The following FAM120A variants were observed in gnomAD, a reference collection of about 807,000 sequenced individuals.
FAM120A encodes the protein family with sequence similarity 120 member A.
In FAM120A, 15 loss-of-function variants were observed where a neutral mutation model predicts 109.7. That is an observed-to-expected ratio of 0.14 (90% confidence interval 0.09 to 0.21). FAM120A has a LOEUF of 0.21. Among genes scored for constraint, FAM120A ranks in the 10% least tolerant of loss-of-function variants. The pLI is 1.00. For missense variants in FAM120A, 899 were observed against 1,439.3 expected, an observed-to-expected ratio of 0.62 and a Z score of 6.07; for synonymous variants, 493 against 572.8, an observed-to-expected ratio of 0.86 and a Z score of 1.99.
At chr9:93,469,592 G>C (rs1358120923) in intron 1 of FAM120A, among the ~76,000 whole-genome samples, 1 of 152,206 alleles carries the variant, frequency 6.6e-6, no homozygotes, top group South Asian at 2.1e-4. Context: ...TTCTAGAAGT[G>C]AGAGGATGAA....
intron 2 of FAM120A, among the ~76,000 whole-genome samples, chr9:93,474,288 A>G (rs548969135): frequency 6.6e-6 from 1 of 150,940 alleles, no homozygotes; most frequent in South Asian, 2.1e-4. Context: ...CCCAGGTTCA[A>G]GCGATTCTCA....
At chr9:93,499,189 T>A (rs1203179020) in intron 5 of FAM120A, among the ~76,000 whole-genome samples, 3 of 152,028 alleles carry the variant, frequency 2.0e-5, no homozygotes, top group Admixed American at 6.6e-5. Flanking sequence ...AAATACAGAA[T>A]TGCCTGAGGA....
chr9:93,489,564 C>T (rs957925772), intron 3 of FAM120A, among the ~76,000 whole-genome samples: 2 of 152,180 alleles, frequency 1.3e-5, no homozygotes, highest in African/African-American at 4.8e-5. Context: ...AAGAACTTTT[C>T]TTTGTTCAGT....
intron 7 of FAM120A, 125 bp from the exon 8 acceptor site, chr9:93,527,030 C>T (rs1168088819): frequency 2.3e-5 from 16 of 699,334 alleles, no homozygotes; most frequent in Admixed American, 5.3e-5. Flanking sequence ...AGTTATTTCT[C>T]GATGTTGTGT....
At chr9:93,482,249 G>A (rs1858848640) in intron 3 of FAM120A, among the ~76,000 whole-genome samples, 1 of 148,286 alleles carries the variant, frequency 6.7e-6, no homozygotes, top group Admixed American at 6.8e-5. Context: ...GTGCAGTGGT[G>A]CGATCTCAGC....
rs1389712245 is a variant in FAM120A at position 93,500,143 on chromosome 9, T to C, written c.1030+1257T>C. Among the ~76,000 whole-genome samples the C allele has an allele frequency of 6.6e-6, 1 of 152,220 alleles. No homozygotes were observed. Among genetic ancestry groups the C allele is most frequent in the Non-Finnish European group, 1.5e-5 (1 of 68,038 alleles). ...TGCTCTCTTGCTCCCCTGCAATCCA[T>C]TTTCTTCCCAGCAGCCAAAGTAATG... On this transcript the variant is annotated intron_variant, in intron 5 of 17. Coordinates refer to ENST00000277165, the MANE Select transcript of FAM120A (RefSeq NM_014612.5). This position sits in a 1 kb window ranked among gnomAD's most constrained non-coding sequence, Gnocchi z 4.6.
chr9:93,455,038 T>A (rs1857490264), intron 1 of FAM120A, among the ~76,000 whole-genome samples: 1 of 152,212 alleles, frequency 6.6e-6, no homozygotes, highest in African/African-American at 2.4e-5. Context: ...ATTCCACTCC[T>A]GGGTATTTTC....
At position 93,452,299 on chromosome 9, in the gene FAM120A, C is replaced by T. The variant is rs1006859012; in HGVS notation, c.384C>T (p.Asn128=). The T allele has an allele frequency of 2.3e-5, 37 of 1,612,812 alleles. No homozygotes were observed. The highest frequency in any genetic ancestry group is 3.0e-5 in the Non-Finnish European group (35 of 1,179,902). Residue 128 remains asparagine (N), a synonymous_variant, in exon 1 of 18, where the codon AAC becomes AAT. Coordinates refer to ENST00000277165, the MANE Select transcript of FAM120A (RefSeq NM_014612.5). The surrounding 1 kb of genome is among the most constrained non-coding windows in gnomAD (Gnocchi z 7.0). ...TAQQIVSHVQ[N]KGTPPPKVWF... ...AGCAGATCGTCAGCCATGTCCAGAA[C>T]AAGGGCACCCCGCCGCCAAAGGTCT... is the stretch of plus-strand genomic sequence containing the variant.
rs564246102 is a variant in FAM120A at position 93,498,160 on chromosome 9, C to T, written c.933+561C>T. On this transcript the variant is annotated intron_variant, in intron 4 of 17. Transcript: ENST00000277165. This position sits in a 1 kb window ranked among gnomAD's most constrained non-coding sequence, Gnocchi z 4.4. ...CTGTAATCCCAGTACTCTGGGAGGCCGAGGCGGGCGGATCACGAGGTCAGG... is the reference window on the plus strand; with the variant it reads ...CTGTAATCCCAGTACTCTGGGAGGCTGAGGCGGGCGGATCACGAGGTCAGG... 9.2e-5 allele frequency among the ~76,000 whole-genome samples: 14 copies of T among 152,214 alleles called. No homozygotes were observed. Among genetic ancestry groups the T allele is most frequent in the Admixed American group, 6.5e-4 (10 of 15,298 alleles).
intron 14 of FAM120A, 136 bp downstream of exon 14, chr9:93,558,146 T>C: frequency 1.1e-6 from 1 of 936,888 alleles, no homozygotes; most frequent in Non-Finnish European, 1.5e-6. Flanking sequence ...GCAGCAGTTC[T>C]TCAAGTCCGT....
chr9:93,462,407 A>G (rs1262179938), intron 1 of FAM120A, among the ~76,000 whole-genome samples: 2 of 152,134 alleles, frequency 1.3e-5, no homozygotes, highest in Non-Finnish European at 2.9e-5. Flanking sequence ...CCTCCTGAGT[A>G]GCTGGGATTA....
chr9:93,565,320 T>C lies in FAM120A; in HGVS notation c.*780T>C, dbSNP rs1862598173. ...TTTTGAATCGGATGTAGACCATTAG[T>C]ACTACTACTTGAGCTAAACTTCTGC... On this transcript the variant is annotated 3_prime_UTR_variant, in exon 18 of 18. Transcript: ENST00000277165. 6.5e-6 allele frequency: 1 copy of C among 152,686 alleles called. No individual in the cohort carries two copies. 9.5% of individuals were successfully genotyped at this position (152,686 alleles called of 1,614,324 possible). A position where few individuals can be genotyped will look rare whatever the true frequency, so the allele number is the denominator to read the frequency against.
intron 10 of FAM120A, among the ~76,000 whole-genome samples, chr9:93,537,195 A>G (rs1053565763): frequency 3.3e-5 from 5 of 152,228 alleles, no homozygotes; most frequent in Admixed American, 2.0e-4. Context: ...GGAGGTGGTT[A>G]CATGCCTCAA....
chr9:93,563,942 A>G (rs936498558), intron 17 of FAM120A, among the ~76,000 whole-genome samples: 1 of 152,222 alleles, frequency 6.6e-6, no homozygotes, highest in Non-Finnish European at 1.5e-5. Context: ...ACTTTAAACA[A>G]TTTAGTGCCA....
chr9:93,550,569 C>T lies in FAM120A; in HGVS notation c.2160-8C>T. The T allele has an allele frequency of 6.2e-7, 1 of 1,611,140 alleles. No individual in the cohort carries two copies. The highest frequency in any genetic ancestry group is 8.5e-7 in the Non-Finnish European group (1 of 1,177,932). ...AATCACCAACCTTTTGTTTCTGCCC[C>T]TCACCAGGTACATGGTGCAGTGGCC... On this transcript the variant is annotated splice_polypyrimidine_tract_variant and splice_region_variant and intron_variant, in intron 11 of 17. Transcript: ENST00000277165.
At chr9:93,555,225 G>T (rs2131556390) in intron 12 of FAM120A, among the ~76,000 whole-genome samples, 1 of 152,268 alleles carries the variant, frequency 6.6e-6, no homozygotes, top group East Asian at 1.9e-4. Flanking sequence ...GGAAAAGGAG[G>T]AGCTGGTGAT....
At chr9:93,537,822 T>C (rs989026962) in intron 10 of FAM120A, among the ~76,000 whole-genome samples, 25 of 152,296 alleles carry the variant, frequency 1.6e-4, no homozygotes, top group African/African-American at 6.0e-4. Flanking sequence ...ATTGTGAAAA[T>C]TGGTATTGTA....
chr9:93,559,743 T>C (rs965310826), intron 15 of FAM120A, among the ~76,000 whole-genome samples: 1 of 152,208 alleles, frequency 6.6e-6, no homozygotes, highest in Non-Finnish European at 1.5e-5. Context: ...GGCCTGTAGT[T>C]GGGATCAAAG....
chr9:93,512,267 C>T (rs1157587509), intron 5 of FAM120A, among the ~76,000 whole-genome samples: 1 of 152,134 alleles, frequency 6.6e-6, no homozygotes, highest in African/African-American at 2.4e-5. Context: ...CAGTTTAACA[C>T]CATTTCTTTA....
Sources: allele counts gnomAD v4.1 joint callset (sites outside exome capture counted in the v4.1 genomes callset), GRCh38; gene constraint gnomAD v4.1.1; non-coding constraint Gnocchi (gnomAD v3.1); transcripts MANE v1.5; gene names NCBI Gene and HGNC (gene_info 2026-07-23, HGNC 2026-07-21).